NRG1: variants seen among roughly 807,000 people sequenced by gnomAD.
NRG1 encodes the protein neuregulin 1, also known as pro-neuregulin-1, membrane-bound isoform.
Under a neutral mutation model 63.8 loss-of-function variants are expected in NRG1, and 18 were observed. The observed-to-expected ratio is 0.28, with a 90% CI of 0.19 to 0.42. NRG1 has a LOEUF of 0.42. Ranked by LOEUF, NRG1 falls within the 10% of genes least tolerant of loss-of-function variation. The probability of loss-of-function intolerance (pLI) is 1.00; values close to 1 mark genes in which losing one functional copy is unlikely to be tolerated. For synonymous variants in NRG1, 302 were observed against 301.3 expected, an observed-to-expected ratio of 1.00 and a Z score of -0.02; for missense variants, 762 against 814.7, an observed-to-expected ratio of 0.94 and a Z score of 0.79.
intron 1 of NRG1, among the ~76,000 whole-genome samples, chr8:32,349,671 T>C (rs962580060): frequency 2.0e-5 from 3 of 152,168 alleles, no homozygotes; most frequent in South Asian, 2.1e-4. Context: ...GCTTTTTGTA[T>C]GTGAAACAGG....
At chr8:31,931,546 G>A (rs117306612) in intron 1 of NRG1, among the ~76,000 whole-genome samples, 1,563 of 152,244 alleles carry the variant, frequency 0.01, 29 homozygotes, top group South Asian at 0.084. Context: ...ATACACGCGT[G>A]ATAATTGTCC....
chr8:31,662,424 T>A (rs1806085516), intron 1 of NRG1, among the ~76,000 whole-genome samples: 1 of 152,218 alleles, frequency 6.6e-6, no homozygotes, highest in South Asian at 2.1e-4. Context: ...GCCTATGTAG[T>A]TCCCAGCATT....
chr8:31,847,870 T>C (rs533036596), intron 1 of NRG1, among the ~76,000 whole-genome samples: 2 of 152,344 alleles, frequency 1.3e-5, no homozygotes, highest in East Asian at 3.9e-4. Context: ...CATAATACCC[T>C]GTTTGAGGAG....
At chr8:31,751,394 A>G (rs1043007421) in intron 1 of NRG1, among the ~76,000 whole-genome samples, 2 of 151,996 alleles carry the variant, frequency 1.3e-5, no homozygotes, top group African/African-American at 4.8e-5. Flanking sequence ...CAGTGTTCTT[A>G]GTAGAGGGAA....
chr8:32,134,955 T>C (rs1835318236), intron 1 of NRG1, among the ~76,000 whole-genome samples: 1 of 152,092 alleles, frequency 6.6e-6, no homozygotes, highest in Admixed American at 6.6e-5. Flanking sequence ...GATCAGGTAT[T>C]CATGAATAAA....
At chr8:31,780,420 C>T (rs1313577642) in intron 1 of NRG1, among the ~76,000 whole-genome samples, 2 of 152,126 alleles carry the variant, frequency 1.3e-5, no homozygotes, top group Non-Finnish European at 2.9e-5. Flanking sequence ...TGTTTCCTAT[C>T]ACCTGTAGAA....
intron 5 of NRG1, among the ~76,000 whole-genome samples, chr8:32,689,528 G>A (rs1350692054): frequency 6.6e-6 from 1 of 152,050 alleles, no homozygotes; most frequent in Non-Finnish European, 1.5e-5. Flanking sequence ...TGAGATACCT[G>A]CAATTGTGCT....
intron 1 of NRG1, among the ~76,000 whole-genome samples, chr8:31,931,518 C>T (rs378347): frequency 0.84 from 128,181 of 152,038 alleles, 54,841 homozygotes; most frequent in Non-Finnish European, 0.91. Flanking sequence ...AGAATAAGTA[C>T]CTTATCGTTT....
chr8:31,875,884 G>T (rs1404826113), intron 1 of NRG1, among the ~76,000 whole-genome samples: 1 of 152,144 alleles, frequency 6.6e-6, no homozygotes, highest in East Asian at 1.9e-4. Context: ...CAGAAAAAAA[G>T]TTGCTGTGTT....
chr8:32,648,065 G>C (rs774909614), intron 5 of NRG1: 1 of 1,614,082 alleles, frequency 6.2e-7, no homozygotes, highest in Non-Finnish European at 8.5e-7. Flanking sequence ...ACCCTGGGGG[G>C]TTAGGCCAGG....
At chr8:32,591,471 GA>G (rs1842506604) in intron 1 of NRG1, among the ~76,000 whole-genome samples, 1 of 152,062 alleles carries the variant, frequency 6.6e-6, no homozygotes. Flanking sequence ...GTAAGGCAAG[GA>G]ATGTACCACT....
intron 1 of NRG1, among the ~76,000 whole-genome samples, chr8:32,043,757 A>G (rs2130714270): frequency 6.6e-6 from 1 of 152,088 alleles, no homozygotes; most frequent in East Asian, 1.9e-4. Flanking sequence ...TGTATATAGC[A>G]ATCCCTGGAG....
intron 1 of NRG1, among the ~76,000 whole-genome samples, chr8:31,655,296 A>G (rs1046449106): frequency 6.6e-6 from 1 of 152,252 alleles, no homozygotes; most frequent in Non-Finnish European, 1.5e-5. Context: ...AAAGGGTTAC[A>G]CAAATAATTA....
At chr8:32,348,282 C>T (rs541526293) in intron 1 of NRG1, among the ~76,000 whole-genome samples, 9 of 152,252 alleles carry the variant, frequency 5.9e-5, no homozygotes, top group Admixed American at 4.6e-4. Flanking sequence ...TTTTATCTCA[C>T]TTCCATCTAT....
At chr8:31,814,461 G>A (rs1823240282) in intron 1 of NRG1, among the ~76,000 whole-genome samples, 1 of 152,022 alleles carries the variant, frequency 6.6e-6, no homozygotes, top group Non-Finnish European at 1.5e-5. Context: ...AGCTAAATTA[G>A]GTAATGCATG....
At chr8:32,219,742 C>A (rs766462512) in intron 1 of NRG1, among the ~76,000 whole-genome samples, 1 of 152,094 alleles carries the variant, frequency 6.6e-6, no homozygotes, top group Non-Finnish European at 1.5e-5. Context: ...TCATCTTGGT[C>A]GTGTTGAATG....
chr8:32,628,655 G>A (rs1849718358), intron 5 of NRG1, among the ~76,000 whole-genome samples: 1 of 151,008 alleles, frequency 6.6e-6, no homozygotes, highest in Middle Eastern at 3.2e-3. Flanking sequence ...TCAGCTTAGT[G>A]AAAAAAATGA....
chr8:31,733,991 T>C (rs1001926823), intron 1 of NRG1, among the ~76,000 whole-genome samples: 2 of 152,198 alleles, frequency 1.3e-5, no homozygotes, highest in Non-Finnish European at 2.9e-5. Flanking sequence ...ATATTTCCTC[T>C]GTCTCCAGCT....
intron 1 of NRG1, among the ~76,000 whole-genome samples, chr8:32,227,481 G>T (rs1846450381): frequency 2.0e-5 from 3 of 152,078 alleles, no homozygotes; most frequent in African/African-American, 7.2e-5. Context: ...TTTTTGGAAG[G>T]TCTAGTCCCA....
Sources: allele counts gnomAD v4.1 joint callset (sites outside exome capture counted in the v4.1 genomes callset), GRCh38; gene constraint gnomAD v4.1.1; transcripts MANE v1.5; gene names NCBI Gene and HGNC (gene_info 2026-07-23, HGNC 2026-07-21).